The following NOL10 variants were observed in gnomAD, a reference collection of about 807,000 sequenced individuals.
The protein encoded by NOL10 is nucleolar protein 10, also known as H_NH0074G24.1.
NOL10 carries 58 observed loss-of-function variants against 103.5 expected under a neutral mutation model. The ratio of observed to expected loss-of-function variants is 0.56; its 90% CI spans 0.45 to 0.70. The LOEUF (loss-of-function observed/expected upper bound fraction) is 0.70, where lower values mean the gene tolerates loss of function less well. NOL10 is among the 30% of genes least tolerant of loss of function. The pLI is 0.00. For synonymous variants in NOL10, 287 were observed against 282.5 expected, an observed-to-expected ratio of 1.02 and a Z score of -0.16; for missense variants, 763 against 807.3, an observed-to-expected ratio of 0.95 and a Z score of 0.67.
Position 10,576,190 on chromosome 2 carries a change from A to G in NOL10, c.1947+1446T>C, listed in dbSNP as rs540874933. On this transcript the variant is annotated intron_variant, in intron 20 of 20. Transcript: ENST00000381685. ...CAACACACCACTCACACCCACTAGC[A>G]TGGCTATAATAAAGATGACCGACAG... Among the ~76,000 whole-genome samples, 11 of 152,284 alleles carry G rather than the reference A, an allele frequency of 7.2e-5. No individual in the cohort carries two copies. In the South Asian group the frequency reaches 1.7e-3, roughly 23 times the overall value.
chr2:10,620,297 T>C (rs1267314628), intron 13 of NOL10, among the ~76,000 whole-genome samples: 1 of 152,020 alleles, frequency 6.6e-6, no homozygotes, highest in Admixed American at 6.6e-5. Context: ...TACCGATATA[T>C]GTAAAAATAC....
intron 13 of NOL10, among the ~76,000 whole-genome samples, chr2:10,615,141 A>G (rs1676766508): frequency 6.6e-6 from 1 of 152,218 alleles, no homozygotes; most frequent in African/African-American, 2.4e-5. Flanking sequence ...GTTTACATGC[A>G]TTTGTGTGAG....
intron 17 of NOL10, among the ~76,000 whole-genome samples, chr2:10,594,624 A>G (rs982771382): frequency 2.6e-5 from 4 of 152,218 alleles, no homozygotes; most frequent in African/African-American, 9.6e-5. Flanking sequence ...AAGAGAGACA[A>G]TTATTAACTT....
At chr2:10,609,327 C>T (rs1356722006) in intron 13 of NOL10, among the ~76,000 whole-genome samples, 1 of 151,302 alleles carries the variant, frequency 6.6e-6, no homozygotes, top group Non-Finnish European at 1.5e-5. Flanking sequence ...GTGGCTCACG[C>T]CTGTAATCCC....
At chr2:10,633,215 C>T (rs1332777462) in intron 13 of NOL10, among the ~76,000 whole-genome samples, 1 of 151,894 alleles carries the variant, frequency 6.6e-6, no homozygotes, top group South Asian at 2.1e-4. Context: ...GTCTGTCTTT[C>T]TTTTTTATTT....
intron 13 of NOL10, among the ~76,000 whole-genome samples, chr2:10,636,420 CAAAAAAAAAAAA>C (rs70953327): frequency 7.3e-5 from 4 of 54,700 alleles, no homozygotes; most frequent in East Asian, 7.6e-4. Context: ...TACAAAAAAC[CAAAAAAAAAAAA>C]AAAAAAAAAA....
chr2:10,683,897 G>A (rs1046190545), intron 2 of NOL10, among the ~76,000 whole-genome samples: 9 of 152,094 alleles, frequency 5.9e-5, no homozygotes, highest in Admixed American at 4.6e-4. Flanking sequence ...TCCATGAAAC[G>A]GTAACAGGCT....
In NOL10 at chr2:10,607,171, A is replaced by T; in HGVS notation, c.1153+14T>A. 1 of 1,511,034 alleles carries T rather than the reference A, an allele frequency of 6.6e-7. No homozygotes were observed. Among genetic ancestry groups the T allele is most frequent in the Non-Finnish European group, 9.0e-7 (1 of 1,116,000 alleles). The allele number at this position is 1,511,034 out of a possible 1,614,324, so 93.6% of individuals were successfully genotyped here. ...AAGTAATTACATAATATTTCATCAC[A>T]ATTTTTTTTTTACCTAAATTTTCAA... is the stretch of plus-strand genomic sequence containing the variant. On this transcript the variant is annotated intron_variant, in intron 14 of 20. Coordinates refer to ENST00000381685, the MANE Select transcript of NOL10 (RefSeq NM_024894.4).
chr2:10,631,890 T>G (rs534944101), intron 13 of NOL10, among the ~76,000 whole-genome samples: 1 of 152,272 alleles, frequency 6.6e-6, no homozygotes, highest in African/African-American at 2.4e-5. Context: ...AATTTTGTAT[T>G]TTTAGTAGAG....
chr2:10,630,179 A>C (rs1010854833), intron 13 of NOL10, among the ~76,000 whole-genome samples: 1 of 152,214 alleles, frequency 6.6e-6, no homozygotes, highest in East Asian at 1.9e-4. Flanking sequence ...ATGAGAAATG[A>C]CTGAATGAGT....
chr2:10,639,147 G>A (rs1431618440), intron 13 of NOL10, among the ~76,000 whole-genome samples: 2 of 151,914 alleles, frequency 1.3e-5, no homozygotes, highest in South Asian at 2.1e-4. Flanking sequence ...CTTGGGCCAG[G>A]CGCGGTGGCT....
At chr2:10,645,714 T>C (rs1277440990) in intron 12 of NOL10, among the ~76,000 whole-genome samples, 1 of 151,918 alleles carries the variant, frequency 6.6e-6, no homozygotes, top group African/African-American at 2.4e-5. Flanking sequence ...GTATTTTTAG[T>C]GGAGGGGGGT....
chr2:10,598,902 G>A (rs1675836339), intron 17 of NOL10, among the ~76,000 whole-genome samples: 1 of 152,220 alleles, frequency 6.6e-6, no homozygotes, highest in Admixed American at 6.5e-5. Context: ...TGGACAGTAA[G>A]AGAGTTTTTA....
chr2:10,586,420 T>C (rs1675024760), intron 19 of NOL10, among the ~76,000 whole-genome samples: 1 of 152,232 alleles, frequency 6.6e-6, no homozygotes. Context: ...AGATGAATTG[T>C]ATGTTACATA....
intron 2 of NOL10, among the ~76,000 whole-genome samples, chr2:10,684,016 C>A (rs1383834385): frequency 1.3e-5 from 2 of 152,110 alleles, no homozygotes; most frequent in Non-Finnish European, 2.9e-5. Flanking sequence ...CGGTGGCTCA[C>A]ACCTGTAATC....
In NOL10 at chr2:10,638,325, GACGTGACGTAACGTAACGTA is replaced by G. The variant is rs1341389748; in HGVS notation, c.1026+5975_1026+5994del. ...AACGTGACGTGACGTGACGTGACGT[GACGTGACGTAACGTAACGTA>G]ACGTAACGTAACGTAACAGTACCTA... On this transcript the variant is annotated intron_variant, in intron 13 of 20. Coordinates refer to ENST00000381685, the MANE Select transcript of NOL10 (RefSeq NM_024894.4). Among the ~76,000 whole-genome samples the G allele has an allele frequency of 2.7e-4, 34 of 127,256 alleles. No homozygotes were observed. In the East Asian group the frequency reaches 6.3e-3, roughly 24 times the overall value. The allele number at this position is 127,256 out of a possible 152,430, so 83.5% of individuals were successfully genotyped here.
intron 17 of NOL10, among the ~76,000 whole-genome samples, chr2:10,597,186 T>C (rs1324287910): frequency 6.6e-6 from 1 of 152,200 alleles, no homozygotes; most frequent in African/African-American, 2.4e-5. Context: ...TTGGATAATG[T>C]CCATATAATA....
chr2:10,685,299 C>T (rs1355858729), intron 1 of NOL10, among the ~76,000 whole-genome samples: 2 of 152,104 alleles, frequency 1.3e-5, no homozygotes, highest in East Asian at 3.8e-4. Context: ...TTGAGACCAG[C>T]CTGGCCAACA....
At chr2:10,628,920 A>T (rs556558635) in intron 13 of NOL10, among the ~76,000 whole-genome samples, 62 of 152,290 alleles carry the variant, frequency 4.1e-4, no homozygotes, top group Non-Finnish European at 7.9e-4. Flanking sequence ...GGAGAAGGTA[A>T]TTGATCACAT....
Sources: gnomAD v4.1 joint callset for allele counts (sites outside exome capture counted in the v4.1 genomes callset) on GRCh38, gnomAD v4.1.1 for gene constraint, MANE v1.5 for transcripts, NCBI Gene and HGNC (gene_info 2026-07-23, HGNC 2026-07-21) for gene names.